RASGEF1B: variants seen among roughly 807,000 people sequenced by gnomAD.
RASGEF1B encodes ras-GEF domain-containing family member 1B.
A neutral mutation model predicts 65.7 loss-of-function variants in RASGEF1B; 30 were observed. The ratio of observed to expected loss-of-function variants is 0.46; its 90% CI spans 0.34 to 0.62. The LOEUF (loss-of-function observed/expected upper bound fraction) is 0.62, where lower values mean the gene tolerates loss of function less well. Among genes scored for constraint, RASGEF1B ranks in the 20% least tolerant of loss-of-function variants. RASGEF1B has a pLI of 0.01. For synonymous variants in RASGEF1B, 175 were observed against 194.8 expected, an observed-to-expected ratio of 0.90 and a Z score of 0.85; for missense variants, 495 against 580.1, an observed-to-expected ratio of 0.85 and a Z score of 1.51.
chr4:81,430,078 G>C (rs1207727884), intron 13 of RASGEF1B, among the ~76,000 whole-genome samples: 1 of 152,200 alleles, frequency 6.6e-6, no homozygotes, highest in East Asian at 1.9e-4. Flanking sequence ...GAGGCGGGCG[G>C]ATCACGAGGT....
At chr4:81,451,506 A>C (rs1479783871) in intron 4 of RASGEF1B, 1 of 152,240 alleles carries the variant, frequency 6.6e-6, no homozygotes, top group Admixed American at 6.5e-5. Context: ...ACCTGTATAC[A>C]TAGGAGCAGC....
At chr4:81,465,447 G>A (rs1288218117) in intron 1 of RASGEF1B, among the ~76,000 whole-genome samples, 2 of 152,174 alleles carry the variant, frequency 1.3e-5, no homozygotes, top group Non-Finnish European at 2.9e-5. Context: ...ATTAATTTGG[G>A]AAGTTGAAAA....
chr4:81,445,464 CTG>C, intron 8 of RASGEF1B, 60 bp downstream of exon 8: 1 of 1,160,580 alleles, frequency 8.6e-7, no homozygotes, highest in Non-Finnish European at 1.3e-6. Flanking sequence ...TGCACATTTT[CTG>C]TGGGTCATTT....
chr4:81,427,852 G>A, intron 13 of RASGEF1B, 60 bp from the exon 14 acceptor site: 1 of 1,511,446 alleles, frequency 6.6e-7, no homozygotes, highest in Non-Finnish European at 9.1e-7. Flanking sequence ...GAACTAGGAT[G>A]AAAATGCCTT....
intron 4 of RASGEF1B, chr4:81,451,350 T>G (rs1348273210): frequency 6.6e-6 from 1 of 152,236 alleles, no homozygotes; most frequent in Non-Finnish European, 1.5e-5. Flanking sequence ...CATACTGGAC[T>G]ACTGTATAGC....
At chr4:81,459,548 C>T in intron 1 of RASGEF1B, 34 bp from the exon 2 acceptor site, 1 of 1,445,990 alleles carries the variant, frequency 6.9e-7, no homozygotes, top group Non-Finnish European at 9.3e-7. Flanking sequence ...AAAATAATGT[C>T]AGCAATATGC....
rs1214011952 is a variant in RASGEF1B, at chr4:81,426,412, A to C, written c.*1356T>G. 1 of 152,192 alleles carries C rather than the reference A, an allele frequency of 6.6e-6. No homozygotes were observed. Among genetic ancestry groups the C allele is most frequent in the East Asian group, 1.9e-4 (1 of 5,192 alleles). The allele number at this position is 152,192 out of a possible 1,614,324, so 9.4% of individuals were successfully genotyped here. ...CACAACTCCTGGCCGCAGAGTGTAA[A>C]ATATATTGATGGCTGTAAAGGGACA... On this transcript the variant is annotated 3_prime_UTR_variant, in exon 14 of 14. Coordinates refer to ENST00000264400, the MANE Select transcript of RASGEF1B (RefSeq NM_152545.3).
intron 4 of RASGEF1B, among the ~76,000 whole-genome samples, chr4:81,449,848 T>C (rs754089068): frequency 3.3e-5 from 5 of 152,208 alleles, no homozygotes; most frequent in Admixed American, 2.6e-4. Flanking sequence ...CTAGAAATGG[T>C]TAACTCTTGC....
chr4:81,449,698 T>C (rs1466131396), intron 4 of RASGEF1B, among the ~76,000 whole-genome samples: 1 of 152,234 alleles, frequency 6.6e-6, no homozygotes, highest in Non-Finnish European at 1.5e-5. Context: ...TTTGCTGAGA[T>C]TAATTATCTG....
rs762214938 is a variant in RASGEF1B, at chr4:81,459,518, A to G, written c.-6-4T>C. On this transcript the variant is annotated splice_region_variant and splice_polypyrimidine_tract_variant and intron_variant, in intron 1 of 13. Coordinates refer to ENST00000264400, the MANE Select transcript of RASGEF1B (RefSeq NM_152545.3). The stretch of plus-strand genomic sequence containing the variant: ...GAGGAGTCTGAGGCATACTTTCCTA[A>G]AAGGAATAAAAAAGAAGAAAAAATA... 2 of 1,553,522 alleles carry G rather than the reference A, an allele frequency of 1.3e-6. No homozygotes were observed. The highest frequency in any genetic ancestry group is 1.2e-5 in the South Asian group (1 of 81,454).
chr4:81,444,723 T>C (rs2109977766), intron 8 of RASGEF1B, among the ~76,000 whole-genome samples: 1 of 152,202 alleles, frequency 6.6e-6, no homozygotes, highest in South Asian at 2.1e-4. Context: ...TTTTAGTAGA[T>C]ACAGGGTTTC....
chr4:81,441,998 T>A (rs1721855292), intron 9 of RASGEF1B, among the ~76,000 whole-genome samples: 1 of 152,110 alleles, frequency 6.6e-6, no homozygotes, highest in Non-Finnish European at 1.5e-5. Context: ...CACAGTGAAG[T>A]AAAACTCTCA....
intron 1 of RASGEF1B, among the ~76,000 whole-genome samples, chr4:81,460,074 A>C (rs1360938973): frequency 6.6e-6 from 1 of 152,098 alleles, no homozygotes; most frequent in African/African-American, 2.4e-5. Context: ...TTTCATGTAG[A>C]CTCTTCAGTT....
At chr4:81,456,340 C>A (rs905002884) in intron 4 of RASGEF1B, 7 of 595,176 alleles carry the variant, frequency 1.2e-5, no homozygotes, top group Admixed American at 9.4e-5. Flanking sequence ...CTGTGTCAAA[C>A]CTTTTTGGGA....
chr4:81,432,240 T>C, intron 13 of RASGEF1B, 59 bp downstream of exon 13: 1 of 1,156,710 alleles, frequency 8.6e-7, no homozygotes, highest in Non-Finnish European at 1.3e-6. Context: ...CATGTGGCTT[T>C]CTTCAAGGAA....
chr4:81,432,169 G>T (rs527498005), intron 13 of RASGEF1B, 130 bp downstream of exon 13: 13 of 552,698 alleles, frequency 2.4e-5, no homozygotes, highest in Non-Finnish European at 3.6e-5. Flanking sequence ...CAAAGATTTG[G>T]TGTACAAGAG....
chr4:81,456,354 A>G (rs1240228399), intron 4 of RASGEF1B: 2 of 595,830 alleles, frequency 3.4e-6, no homozygotes, highest in East Asian at 5.6e-5. Flanking sequence ...TTTGGGAGGA[A>G]AAAAGGTAAA....
intron 4 of RASGEF1B, chr4:81,456,087 A>G (rs1722431558): frequency 5.9e-6 from 1 of 168,196 alleles, no homozygotes; most frequent in Non-Finnish European, 1.3e-5. Flanking sequence ...CTGACAGTGA[A>G]TATTACATGA....
At chr4:81,462,944 C>T (rs1032488456) in intron 1 of RASGEF1B, among the ~76,000 whole-genome samples, 3 of 152,150 alleles carry the variant, frequency 2.0e-5, no homozygotes, top group Admixed American at 6.5e-5. Flanking sequence ...TTCAGAAAAA[C>T]TGTAATAACT....
Sources: allele counts gnomAD v4.1 joint callset (sites outside exome capture counted in the v4.1 genomes callset), GRCh38; gene constraint gnomAD v4.1.1; transcripts MANE v1.5; gene names NCBI Gene and HGNC (gene_info 2026-07-23, HGNC 2026-07-21).